Variants in CABCOCO1 observed in about 807,000 individuals in gnomAD.
The protein encoded by CABCOCO1 is ciliary-associated calcium-binding coiled-coil protein 1.
In CABCOCO1, 28 loss-of-function variants were observed where a neutral mutation model predicts 35.7. The ratio of observed to expected loss-of-function variants is 0.78; its 90% CI spans 0.58 to 1.07. The LOEUF is 1.07. Among genes scored for constraint, CABCOCO1 ranks in the 50% least tolerant of loss-of-function variants. The probability of loss-of-function intolerance (pLI) is 0.00; values close to 1 mark genes in which losing one functional copy is unlikely to be tolerated. For synonymous variants in CABCOCO1, 95 were observed against 100.1 expected, an observed-to-expected ratio of 0.95 and a Z score of 0.30; for missense variants, 326 against 309.2, an observed-to-expected ratio of 1.05 and a Z score of -0.41.
intron 3 of CABCOCO1, among the ~76,000 whole-genome samples, chr10:61,682,802 TACG>T (rs1392871333): frequency 2.0e-5 from 3 of 151,558 alleles, no homozygotes; most frequent in Admixed American, 6.6e-5. Flanking sequence ...TCTTCTTGAA[TACG>T]ACATCAAATG....
At chr10:61,709,649 C>T (rs1377681075) in intron 5 of CABCOCO1, among the ~76,000 whole-genome samples, 1 of 149,250 alleles carries the variant, frequency 6.7e-6, no homozygotes, top group Non-Finnish European at 1.5e-5. Flanking sequence ...TTTTTAAAGT[C>T]ATTTAAATCG....
At chr10:61,709,876 A>G (rs1564543507) in intron 5 of CABCOCO1, among the ~76,000 whole-genome samples, 1 of 152,090 alleles carries the variant, frequency 6.6e-6, no homozygotes, top group Admixed American at 6.6e-5. Flanking sequence ...CACATTTTTC[A>G]GATTAATGGA....
At chr10:61,753,553 G>A (rs772658780) in intron 5 of CABCOCO1, among the ~76,000 whole-genome samples, 1 of 152,006 alleles carries the variant, frequency 6.6e-6, no homozygotes, top group Non-Finnish European at 1.5e-5. Context: ...CTTTACTTTT[G>A]ACAAAATTTG....
chr10:61,707,285 C>G (rs996284299), intron 5 of CABCOCO1, among the ~76,000 whole-genome samples: 1 of 152,104 alleles, frequency 6.6e-6, no homozygotes, highest in Admixed American at 6.6e-5. Context: ...GGATACGGGA[C>G]TTGAGAATGT....
chr10:61,678,747 A>C (rs1839603692), intron 2 of CABCOCO1, among the ~76,000 whole-genome samples: 1 of 152,142 alleles, frequency 6.6e-6, no homozygotes, highest in Non-Finnish European at 1.5e-5. Context: ...AAGAAACTGC[A>C]TCCTCTGTTA....
intron 5 of CABCOCO1, among the ~76,000 whole-genome samples, chr10:61,736,443 A>G (rs925367913): frequency 1.3e-5 from 2 of 152,104 alleles, no homozygotes; most frequent in African/African-American, 2.4e-5. Flanking sequence ...GAAAGATCAG[A>G]TGGTCATAGA....
intron 5 of CABCOCO1, among the ~76,000 whole-genome samples, chr10:61,727,001 G>T (rs1450781669): frequency 6.6e-6 from 1 of 151,962 alleles, no homozygotes; most frequent in Admixed American, 6.6e-5. Flanking sequence ...GGCATACGTT[G>T]CAGTGAGCCA....
intron 2 of CABCOCO1, among the ~76,000 whole-genome samples, chr10:61,677,068 A>AAATAATAAT (rs60978110): frequency 2.9e-4 from 42 of 144,344 alleles, no homozygotes; most frequent in South Asian, 2.0e-3. Flanking sequence ...CTGTCTCAAA[A>AAATAATAAT]AATAATAATA....
At chr10:61,705,177 A>G (rs1021263972) in intron 5 of CABCOCO1, among the ~76,000 whole-genome samples, 1 of 152,198 alleles carries the variant, frequency 6.6e-6, no homozygotes, top group Non-Finnish European at 1.5e-5. Context: ...CTTATCTGGT[A>G]CCTGAGCGAG....
At chr10:61,668,066 T>C (rs1839244827) in intron 1 of CABCOCO1, among the ~76,000 whole-genome samples, 1 of 151,858 alleles carries the variant, frequency 6.6e-6, no homozygotes, top group South Asian at 2.1e-4. Context: ...GTTTTGCTGC[T>C]GAATCTTAGT....
intron 5 of CABCOCO1, among the ~76,000 whole-genome samples, chr10:61,737,161 C>T (rs188509831): frequency 1.8e-4 from 27 of 151,876 alleles, no homozygotes; most frequent in East Asian, 1.9e-4. Context: ...CTGATTGCTC[C>T]AAAGAAGACA....
rs1230970116 is a variant in CABCOCO1, at chr10:61,766,407, A to T, written c.*394A>T. The T allele has an allele frequency of 6.4e-6, 1 of 156,008 alleles. No individual in the cohort carries two copies. Among genetic ancestry groups the T allele is most frequent in the African/African-American group, 2.4e-5 (1 of 41,476 alleles). The allele number at this position is 156,008 out of a possible 1,614,324, so 9.7% of individuals were successfully genotyped here. ...AATAACTTCATCCATTTTGACCCAAACGGACTGCCACGTTACTGGAACACT... is the reference window on the plus strand; with the variant it reads ...AATAACTTCATCCATTTTGACCCAATCGGACTGCCACGTTACTGGAACACT... On this transcript the variant is annotated 3_prime_UTR_variant, in exon 8 of 8. Coordinates refer to ENST00000648843, the MANE Select transcript of CABCOCO1 (RefSeq NM_001366906.2).
At chr10:61,683,988 C>A (rs1045613186) in intron 3 of CABCOCO1, among the ~76,000 whole-genome samples, 3 of 152,094 alleles carry the variant, frequency 2.0e-5, no homozygotes, top group African/African-American at 7.2e-5. Flanking sequence ...TTCTCTGCAT[C>A]TCTAATTAAT....
intron 5 of CABCOCO1, among the ~76,000 whole-genome samples, chr10:61,711,317 A>C (rs955513612): frequency 2.6e-5 from 4 of 152,020 alleles, no homozygotes; most frequent in Admixed American, 2.6e-4. Context: ...CGTTAACAGC[A>C]ATCATAAAAA....
chr10:61,737,580 TA>T (rs1238643911), intron 5 of CABCOCO1, among the ~76,000 whole-genome samples: 5 of 152,064 alleles, frequency 3.3e-5, no homozygotes, highest in African/African-American at 7.2e-5. Flanking sequence ...ACAGACTGGA[TA>T]AAGGAAATGT....
intron 7 of CABCOCO1, among the ~76,000 whole-genome samples, chr10:61,763,117 G>A (rs1842040346): frequency 6.6e-6 from 1 of 151,978 alleles, no homozygotes; most frequent in African/African-American, 2.4e-5. Context: ...CTCGTAAGAT[G>A]TTTTAAATTT....
At chr10:61,748,373 A>C (rs1224267111) in intron 5 of CABCOCO1, among the ~76,000 whole-genome samples, 1 of 152,200 alleles carries the variant, frequency 6.6e-6, no homozygotes, top group Non-Finnish European at 1.5e-5. Context: ...ACCCTCAGAG[A>C]GTTTTGTTTA....
At chr10:61,682,394 T>G (rs998945276) in intron 3 of CABCOCO1, among the ~76,000 whole-genome samples, 1 of 152,122 alleles carries the variant, frequency 6.6e-6, no homozygotes, top group African/African-American at 2.4e-5. Context: ...CTGAACAAAC[T>G]TATAGTCATC....
At chr10:61,693,809 G>A (rs561669259) in intron 5 of CABCOCO1, among the ~76,000 whole-genome samples, 2 of 151,752 alleles carry the variant, frequency 1.3e-5, no homozygotes, top group African/African-American at 2.4e-5. Context: ...AGCAAACCAG[G>A]GTGTAGGAGA....
Sources: gnomAD v4.1 joint callset for allele counts (sites outside exome capture counted in the v4.1 genomes callset) on GRCh38, gnomAD v4.1.1 for gene constraint, MANE v1.5 for transcripts, NCBI Gene and HGNC (gene_info 2026-07-23, HGNC 2026-07-21) for gene names.